The following DSCAML1 variants were observed in gnomAD, a reference collection of about 807,000 sequenced individuals.
DSCAML1 encodes cell adhesion molecule DSCAML1.
A neutral mutation model predicts 200.5 loss-of-function variants in DSCAML1; 38 were observed. The ratio of observed to expected loss-of-function variants is 0.19; its 90% confidence interval spans 0.15 to 0.25. The LOEUF is 0.25. Ranked by LOEUF, DSCAML1 falls within the 10% of genes least tolerant of loss-of-function variation. The probability of loss-of-function intolerance (pLI) is 1.00; values close to 1 mark genes in which losing one functional copy is unlikely to be tolerated. For synonymous variants in DSCAML1, 1,215 were observed against 1,165.0 expected, an observed-to-expected ratio of 1.04 and a Z score of -0.87; for missense variants, 2,223 against 2,858.8, an observed-to-expected ratio of 0.78 and a Z score of 5.07.
chr11:117,640,285 G>A (rs990757465), intron 3 of DSCAML1, among the ~76,000 whole-genome samples: 2 of 152,188 alleles, frequency 1.3e-5, no homozygotes, highest in South Asian at 4.1e-4. Context: ...CCGTTCCATC[G>A]CTGAGCCAGC....
chr11:117,480,702 G>C lies in DSCAML1; in HGVS notation c.2657-131C>G, dbSNP rs1044032454. ...GGCACCCTAGGGTTTGAGCAGGGTG[G>C]GGGCTGGAGGAGGCCAGCAGCCAGG... On this transcript the variant is annotated intron_variant, in intron 13 of 32. Coordinates refer to ENST00000651296, the MANE Select transcript of DSCAML1 (RefSeq NM_020693.4). This position sits in a 1 kb window ranked among gnomAD's most constrained non-coding sequence, Gnocchi z 4.1. 9.9e-7 allele frequency: 1 copy of C among 1,008,638 alleles called. No homozygotes were observed. The highest frequency in any genetic ancestry group is 1.4e-6 in the Non-Finnish European group (1 of 693,562). The allele number at this position is 1,008,638 out of a possible 1,614,324, so 62.5% of individuals were successfully genotyped here.
chr11:117,706,542 C>T (rs1030760939), intron 3 of DSCAML1, among the ~76,000 whole-genome samples: 5 of 152,178 alleles, frequency 3.3e-5, no homozygotes, highest in South Asian at 2.1e-4. Context: ...TTATCACAGG[C>T]GTTCTGGGCC....
chr11:117,462,493 C>T (rs1416675398), intron 17 of DSCAML1, among the ~76,000 whole-genome samples: 1 of 152,188 alleles, frequency 6.6e-6, no homozygotes, highest in Non-Finnish European at 1.5e-5. Context: ...CTGCTTCGCT[C>T]CGAGTGGAAG....
chr11:117,508,425 T>C (rs1163339239), intron 8 of DSCAML1, among the ~76,000 whole-genome samples: 1 of 151,866 alleles, frequency 6.6e-6, no homozygotes, highest in African/African-American at 2.4e-5. Context: ...TGAGTGCTTG[T>C]CGGGTGAGGA....
intron 3 of DSCAML1, among the ~76,000 whole-genome samples, chr11:117,719,423 A>G (rs1328929278): frequency 1.3e-5 from 2 of 152,244 alleles, no homozygotes; most frequent in Non-Finnish European, 2.9e-5. Context: ...CAGCCTGGAC[A>G]ACAGAGCAAG....
chr11:117,799,948 T>C (rs959735833), upstream of DSCAML1, among the ~76,000 whole-genome samples: 2 of 152,172 alleles, frequency 1.3e-5, no homozygotes, highest in Non-Finnish European at 2.9e-5. Flanking sequence ...GGGACGATAT[T>C]GTGCCTTCCA....
chr11:117,584,006 T>G (rs2051093822), intron 3 of DSCAML1, among the ~76,000 whole-genome samples: 1 of 152,182 alleles, frequency 6.6e-6, no homozygotes, highest in Admixed American at 6.5e-5. Flanking sequence ...CAGGGGGTCA[T>G]CTCCTCACGG....
intron 11 of DSCAML1, among the ~76,000 whole-genome samples, chr11:117,495,453 G>T (rs1206500694): frequency 6.6e-6 from 1 of 152,198 alleles, no homozygotes; most frequent in African/African-American, 2.4e-5. Flanking sequence ...GGCAGGGAGG[G>T]GTGGGTGGAG....
chr11:117,603,655 G>A (rs1348483774), intron 3 of DSCAML1, among the ~76,000 whole-genome samples: 1 of 152,196 alleles, frequency 6.6e-6, no homozygotes, highest in Non-Finnish European at 1.5e-5. Context: ...TCATTCTGAA[G>A]GAAGATGTTT....
At chr11:117,730,071 C>T (rs953152894) in intron 3 of DSCAML1, among the ~76,000 whole-genome samples, 12 of 152,170 alleles carry the variant, frequency 7.9e-5, no homozygotes, top group East Asian at 3.9e-4. Context: ...TGGTGGTGTG[C>T]GCCTGTAGCC....
intron 19 of DSCAML1, among the ~76,000 whole-genome samples, chr11:117,453,750 T>C (rs10892112): frequency 1.8e-3 from 231 of 130,440 alleles, no homozygotes; most frequent in South Asian, 4.6e-3. Flanking sequence ...TTCTTTCTTT[T>C]TTTTTTTTTT....
At chr11:117,646,807 G>T (rs142228671) in intron 3 of DSCAML1, among the ~76,000 whole-genome samples, 1 of 150,766 alleles carries the variant, frequency 6.6e-6, no homozygotes, top group Non-Finnish European at 1.5e-5. Context: ...GGGTATTAAC[G>T]TCCCAAGAAT....
intron 2 of DSCAML1, 43 bp from the exon 3 acceptor site, chr11:117,776,980 G>A (rs370998203): frequency 6.2e-7 from 1 of 1,607,554 alleles, no homozygotes; most frequent in Non-Finnish European, 8.5e-7. Context: ...GTGTCACAAG[G>A]ATGTGGTGAG....
At chr11:117,531,929 G>A (rs2050085147) in intron 4 of DSCAML1, among the ~76,000 whole-genome samples, 1 of 86,654 alleles carries the variant, frequency 1.2e-5, no homozygotes, top group East Asian at 3.2e-4. Context: ...GGAAGGGAAG[G>A]GAGGAGGGAG....
chr11:117,470,962 C>T (rs1476156062), intron 15 of DSCAML1, among the ~76,000 whole-genome samples: 2 of 152,078 alleles, frequency 1.3e-5, no homozygotes, highest in Non-Finnish European at 2.9e-5. Flanking sequence ...ATTGCATATA[C>T]ACTGTGGTGA....
intron 3 of DSCAML1, among the ~76,000 whole-genome samples, chr11:117,541,072 TCTA>T (rs1458207161): frequency 1.3e-5 from 2 of 152,230 alleles, no homozygotes; most frequent in African/African-American, 2.4e-5. Flanking sequence ...TTGAGGATCA[TCTA>T]CTACGGGGAT....
At chr11:117,439,698 CT>C in intron 22 of DSCAML1, 120 bp downstream of exon 22, 1 of 977,910 alleles carries the variant, frequency 1.0e-6, no homozygotes, top group Non-Finnish European at 1.6e-6. Flanking sequence ...CCTGCAGGGC[CT>C]CTGCAGGCCT....
At chr11:117,695,771 A>G (rs1215092384) in intron 3 of DSCAML1, among the ~76,000 whole-genome samples, 1 of 152,198 alleles carries the variant, frequency 6.6e-6, no homozygotes, top group Non-Finnish European at 1.5e-5. Flanking sequence ...GCTTGCCATG[A>G]GCCTCGATTT....
At chr11:117,718,668 A>AAAC (rs1491277934) in intron 3 of DSCAML1, among the ~76,000 whole-genome samples, 3 of 25,780 alleles carry the variant, frequency 1.2e-4, no homozygotes, top group Non-Finnish European at 1.9e-4. Flanking sequence ...AATACTCAAA[A>AAAC]CCCCCCCCCC....
Sources: allele counts gnomAD v4.1 joint callset (sites outside exome capture counted in the v4.1 genomes callset), GRCh38; gene constraint gnomAD v4.1.1; non-coding constraint Gnocchi (gnomAD v3.1); transcripts MANE v1.5; gene names NCBI Gene and HGNC (gene_info 2026-07-23, HGNC 2026-07-21).